TENM3: variants seen among roughly 807,000 people sequenced by gnomAD.
TENM3 encodes the protein teneurin-3.
In TENM3, 63 loss-of-function variants were observed where a neutral mutation model predicts 255.1. The ratio of observed to expected loss-of-function variants is 0.25; its 90% CI spans 0.20 to 0.30. TENM3 has a LOEUF of 0.30. TENM3 is among the 10% of genes least tolerant of loss of function. The pLI is 1.00. For missense variants in TENM3, 2,929 were observed against 3,461.1 expected (o/e 0.85, Z 3.86); for synonymous variants, 1,306 against 1,322.3 (o/e 0.99, Z 0.27).
the TENM3 span, among the ~76,000 whole-genome samples, chr4:181,908,645 G>A: frequency 2.0e-5 from 3 of 152,128 alleles, no homozygotes; most frequent in African/African-American, 4.8e-5. Flanking sequence ...TAGATGCTAA[G>A]AGAATAAACA....
At chr4:181,842,162 T>C in the TENM3 span, among the ~76,000 whole-genome samples, 2 of 152,180 alleles carry the variant, frequency 1.3e-5, no homozygotes, top group South Asian at 2.1e-4. Flanking sequence ...AATTACATAT[T>C]ATCAAAATAA....
At chr4:181,833,214 G>A in the TENM3 span, among the ~76,000 whole-genome samples, 1 of 152,078 alleles carries the variant, frequency 6.6e-6, no homozygotes, top group Non-Finnish European at 1.5e-5. Flanking sequence ...GATCACTGGC[G>A]CTGGCATCTC....
At chr4:182,149,611 G>T (rs1750200497) in intron 1 of TENM3, among the ~76,000 whole-genome samples, 1 of 151,884 alleles carries the variant, frequency 6.6e-6, no homozygotes, top group South Asian at 2.1e-4. Flanking sequence ...AACTTTCTTG[G>T]AATCTTGGAA....
chr4:182,745,827 A>AAAT (rs1231929232), intron 19 of TENM3, among the ~76,000 whole-genome samples: 31 of 151,068 alleles, frequency 2.1e-4, no homozygotes, highest in African/African-American at 7.5e-4. Flanking sequence ...GAAAAAAAAA[A>AAAT]ATCTATGAGG....
chr4:182,371,229 T>TCACACACACA lies in TENM3; in HGVS notation c.511+24323_511+24332dup, dbSNP rs3221610. On this transcript the variant is annotated intron_variant, in intron 3 of 27. Coordinates refer to ENST00000511685, the MANE Select transcript of TENM3 (RefSeq NM_001080477.4). ...AGGGCCTCAAAAATTCTCCTCCCCA[T>TCACACACACA]CACACACACACACACACACACACAC... 5.8e-3 allele frequency among the ~76,000 whole-genome samples: 833 copies of TCACACACACA among 144,290 alleles called. 4 individuals are homozygous for TCACACACACA. The highest frequency in any genetic ancestry group is 0.016 in the South Asian group (69 of 4,394). The allele number at this position is 144,290 out of a possible 152,430, so 94.7% of individuals were successfully genotyped here. A position where few individuals can be genotyped will look rare whatever the true frequency, so the allele number is the denominator to read the frequency against.
At chr4:181,877,499 T>C in the TENM3 span, among the ~76,000 whole-genome samples, 25,521 of 152,082 alleles carry the variant, frequency 0.17, 2,700 homozygotes, top group East Asian at 0.55. Context: ...GTTTTACCTC[T>C]TCTATGAGTC....
chr4:182,590,538 C>CAAAAAA (rs34681777), intron 3 of TENM3, among the ~76,000 whole-genome samples: 406 of 78,938 alleles, frequency 5.1e-3, no homozygotes, highest in Middle Eastern at 0.015. Context: ...GACCCTGTCT[C>CAAAAAA]AAAAAAAAAA....
the TENM3 span, among the ~76,000 whole-genome samples, chr4:181,634,484 T>A: frequency 1.3e-5 from 2 of 151,854 alleles, no homozygotes; most frequent in Non-Finnish European, 2.9e-5. Flanking sequence ...CAGCATACCT[T>A]GCAAATGCAA....
intron 3 of TENM3, among the ~76,000 whole-genome samples, chr4:182,420,901 T>G (rs920813056): frequency 6.6e-6 from 1 of 152,212 alleles, no homozygotes; most frequent in African/African-American, 2.4e-5. Context: ...TTATCATTAA[T>G]TATTCCATTT....
chr4:182,199,059 G>A (rs1034530769), intron 1 of TENM3, among the ~76,000 whole-genome samples: 2 of 152,242 alleles, frequency 1.3e-5, no homozygotes, highest in Non-Finnish European at 2.9e-5. Flanking sequence ...TTTAGATAGT[G>A]TTGGGACACA....
At chr4:182,603,028 C>A (rs934953097) in intron 4 of TENM3, among the ~76,000 whole-genome samples, 2 of 152,146 alleles carry the variant, frequency 1.3e-5, no homozygotes, top group African/African-American at 4.8e-5. Context: ...TTCCGTGAAA[C>A]CATGTCTTCC....
At chr4:181,894,645 G>A in the TENM3 span, among the ~76,000 whole-genome samples, 31 of 151,850 alleles carry the variant, frequency 2.0e-4, no homozygotes, top group South Asian at 5.6e-3. Flanking sequence ...CAAAGCTGCA[G>A]AAGATTTGAT....
chr4:182,764,240 G>T lies in TENM3; in HGVS notation c.4892+8981G>T, dbSNP rs542002493. On this transcript the variant is annotated intron_variant, in intron 22 of 27. Coordinates refer to ENST00000511685, the MANE Select transcript of TENM3 (RefSeq NM_001080477.4). ...GCTTTTTGATCATCAAGCATTTCCTGTTTAGCCCGTAATTTCCTGGCATTC... is the reference window on the plus strand; with the variant it reads ...GCTTTTTGATCATCAAGCATTTCCTTTTTAGCCCGTAATTTCCTGGCATTC... 2.6e-5 allele frequency among the ~76,000 whole-genome samples: 4 copies of T among 152,326 alleles called. No individual in the cohort carries two copies. The East Asian group carries it at 7.7e-4, about 29-fold the overall frequency.
At chr4:182,632,238 CTT>C in intron 5 of TENM3, among the ~76,000 whole-genome samples, 1 of 152,202 alleles carries the variant, frequency 6.6e-6, no homozygotes, top group South Asian at 2.1e-4. Flanking sequence ...AATACAGTGA[CTT>C]ATTTTCTTGT....
Position 182,628,641 on chromosome 4 carries a change from T to A in TENM3, c.750-10T>A. On this transcript the variant is annotated splice_polypyrimidine_tract_variant and intron_variant, in intron 4 of 27. Transcript: ENST00000511685. ...TTTGTATCTTATAATGATATTCTCCTTTTCCACAGGCATTTCCTATTCAAA... is the reference window on the plus strand; with the variant it reads ...TTTGTATCTTATAATGATATTCTCCATTTCCACAGGCATTTCCTATTCAAA... The A allele has an allele frequency of 6.6e-7, 1 of 1,524,944 alleles. No homozygotes were observed. The highest frequency in any genetic ancestry group is 9.0e-7 in the Non-Finnish European group (1 of 1,117,160). The allele number at this position is 1,524,944 out of a possible 1,614,324, so 94.5% of individuals were successfully genotyped here.
At chr4:182,121,346 T>C in the TENM3 span, among the ~76,000 whole-genome samples, 1 of 152,136 alleles carries the variant, frequency 6.6e-6, no homozygotes, top group African/African-American at 2.4e-5. Context: ...ATTGAGAATA[T>C]AGACAATAAG....
chr4:182,047,499 T>G, the TENM3 span, among the ~76,000 whole-genome samples: 1 of 140,704 alleles, frequency 7.1e-6, no homozygotes, highest in African/African-American at 2.6e-5. Context: ...GAGGTGGAGA[T>G]TGCAGTGAGC....
chr4:181,576,802 C>T, the TENM3 span, among the ~76,000 whole-genome samples: 1 of 141,538 alleles, frequency 7.1e-6, no homozygotes, highest in South Asian at 2.2e-4. Flanking sequence ...TTTTTCTTTT[C>T]TTTCTTTTCT....
rs61743012 is a variant in TENM3 at position 182,755,176 on chromosome 4, G to A, written c.4809G>A (p.Leu1603=). The A allele has an allele frequency of 6.4e-4, 1,038 of 1,613,648 alleles. 10 individuals are homozygous for A. In the African/African-American group the frequency reaches 0.012, roughly 19 times the overall value. ...TGAAAAGCATGACTGCTCAAGGACT[G>A]GAATTAGTTTTGTTTACTTACCATG... ...GCLKSMTAQG[L]ELVLFTYHGN... Residue 1603 remains leucine, a synonymous_variant, in exon 22 of 28, where the codon CTG becomes CTA. Transcript: ENST00000511685.
Sources: allele counts gnomAD v4.1 joint callset (sites outside exome capture counted in the v4.1 genomes callset), GRCh38; gene constraint gnomAD v4.1.1; transcripts MANE v1.5; gene names NCBI Gene and HGNC (gene_info 2026-07-23, HGNC 2026-07-21).